The following NMT2 variants were observed in gnomAD, a reference collection of about 807,000 sequenced individuals.
The protein encoded by NMT2 is glycylpeptide N-tetradecanoyltransferase 2.
Under a neutral mutation model 65.4 loss-of-function variants are expected in NMT2, and 35 were observed. The observed-to-expected ratio is 0.54, with a 90% CI of 0.41 to 0.71. The LOEUF (loss-of-function observed/expected upper bound fraction) is 0.71. Ranked by LOEUF, NMT2 falls within the 30% of genes least tolerant of loss-of-function variation. The probability of loss-of-function intolerance (pLI) is 0.00; values close to 1 mark genes in which losing one functional copy is unlikely to be tolerated. For synonymous variants in NMT2, 226 were observed against 231.8 expected (o/e 0.98, Z 0.23); for missense variants, 489 against 611.3 (o/e 0.80, Z 2.11).
In NMT2 at chr10:15,109,770, C is replaced by T. The variant is rs1243566347; in HGVS notation, c.1408G>A (p.Gly470Ser). The change falls in exon 11 of 12, where the codon GGT becomes AGT. Residue 470 changes from glycine to serine, a missense_variant. By Grantham distance (56) the Gly-to-Ser change is moderately conservative. Coordinates refer to ENST00000378165, the MANE Select transcript of NMT2 (RefSeq NM_004808.3). ...TACTGCAAATTGCCATCTCCTATAC[C>T]AAACTTGAGTTTTTCCAAGAATGTC... ...NKTFLEKLKFGIGDGNLQYYL... is the reference protein window; with the variant it reads ...NKTFLEKLKFSIGDGNLQYYL... 1 of 1,613,686 alleles carries T rather than the reference C, an allele frequency of 6.2e-7. No individual in the cohort carries two copies. The highest frequency in any genetic ancestry group is 8.5e-7 in the Non-Finnish European group (1 of 1,179,796).
chr10:15,108,396 A>G lies in NMT2; in HGVS notation c.*799T>C, dbSNP rs1845387077. 3.4e-6 allele frequency: 2 copies of G among 591,528 alleles called. No individual in the cohort carries two copies. 36.6% of individuals were successfully genotyped at this position (591,528 alleles called of 1,614,324 possible). A position where few individuals can be genotyped will look rare whatever the true frequency, so the allele number is the denominator to read the frequency against. ...GAGATGGGGTTTCACTATGTTGGCC[A>G]GAATGGTCTCGATCTCCTGACCTCA... On this transcript the variant is annotated 3_prime_UTR_variant, in exon 12 of 12. Transcript: ENST00000378165.
At chr10:15,168,466 C>T (rs762678992) in intron 1 of NMT2, 37 bp downstream of exon 1, 41 of 1,510,920 alleles carry the variant, frequency 2.7e-5, no homozygotes, top group Non-Finnish European at 2.7e-5. Flanking sequence ...GCGGTCCCCG[C>T]CCTGTCGCGC....
intron 7 of NMT2, among the ~76,000 whole-genome samples, chr10:15,129,895 A>G: frequency 6.7e-6 from 1 of 148,292 alleles, no homozygotes; most frequent in East Asian, 2.0e-4. Context: ...GCAACAGAGT[A>G]AGAGTCTGCC....
intron 10 of NMT2, among the ~76,000 whole-genome samples, chr10:15,111,094 G>A (rs896895646): frequency 2.0e-5 from 3 of 151,882 alleles, no homozygotes; most frequent in Non-Finnish European, 4.4e-5. Flanking sequence ...ACCCAGCCTC[G>A]TTCTTGTTTT....
At position 15,116,387 on chromosome 10, in the gene NMT2, G is replaced by C. The variant is rs145379974; in HGVS notation, c.1170+2956C>G. 1.4e-3 allele frequency among the ~76,000 whole-genome samples: 210 copies of C among 152,244 alleles called. 1 individual carries two copies. Among genetic ancestry groups the C allele is most frequent in the African/African-American group, 4.8e-3 (200 of 41,544 alleles). ...AAAATACATAGACGTGAATGACAAC[G>C]AAGATACAACATACCAAAATACGTC... On this transcript the variant is annotated intron_variant, in intron 9 of 11. Coordinates refer to ENST00000378165, the MANE Select transcript of NMT2 (RefSeq NM_004808.3).
intron 1 of NMT2, among the ~76,000 whole-genome samples, chr10:15,166,840 G>C (rs988749611): frequency 4.3e-4 from 66 of 152,292 alleles, no homozygotes; most frequent in African/African-American, 1.5e-3. Flanking sequence ...GACAGGCTCA[G>C]ATCAATGCGC....
chr10:15,117,438 A>G (rs1420469447), intron 9 of NMT2, among the ~76,000 whole-genome samples: 1 of 152,212 alleles, frequency 6.6e-6, no homozygotes, highest in Admixed American at 6.5e-5. Flanking sequence ...AGCTAACATC[A>G]TACTTCATGG....
rs1331141157 is a variant in NMT2 at position 15,119,382 on chromosome 10, G to A, written c.1131C>T (p.Phe377=). ...TGTCAATAATGTGCTCCCGGGGGAGGAACCAGTGGGCTACTTCCTCTTCAT... is the reference window on the plus strand; with the variant it reads ...TGTCAATAATGTGCTCCCGGGGGAGAAACCAGTGGGCTACTTCCTCTTCAT... ...VMDEEEVAHW[F]LPREHIIDTF... Residue 377 remains phenylalanine (F), a synonymous_variant, in exon 9 of 12, where the codon TTC becomes TTT. Coordinates refer to ENST00000378165, the MANE Select transcript of NMT2 (RefSeq NM_004808.3). 1 of 1,614,024 alleles carries A rather than the reference G, an allele frequency of 6.2e-7. No individual in the cohort carries two copies. The highest frequency in any genetic ancestry group is 1.3e-5 in the African/African-American group (1 of 74,904).
intron 1 of NMT2, among the ~76,000 whole-genome samples, chr10:15,144,457 T>C (rs190845550): frequency 7.4e-4 from 112 of 152,176 alleles, no homozygotes; most frequent in Middle Eastern, 3.4e-3. Context: ...CCAGGCCAGG[T>C]GCAGTGGCTC....
chr10:15,112,808 G>C lies in NMT2; in HGVS notation c.1326C>G (p.Ile442Met), dbSNP rs1845607677. The part of the protein sequence containing the change: ...PLLDLMSDAL[I>M]LAKSKGFDVF... ...AGGAGTGGCTTACCGATTTAGCCAG[G>C]ATGAGCGCGTCGCTCATGAGGTCCA... Residue 442 changes from isoleucine to methionine, a missense_variant, in exon 10 of 12, where the codon ATC becomes ATG. By Grantham distance (10) the Ile-to-Met change is conservative. Transcript: ENST00000378165. The C allele has an allele frequency of 6.2e-7, 1 of 1,612,382 alleles. No homozygotes were observed. Among genetic ancestry groups the C allele is most frequent in the Non-Finnish European group, 8.5e-7 (1 of 1,179,450 alleles).
chr10:15,106,660 G>A lies in NMT2; in HGVS notation c.*2535C>T. On this transcript the variant is annotated 3_prime_UTR_variant, in exon 12 of 12. Coordinates refer to ENST00000378165, the MANE Select transcript of NMT2 (RefSeq NM_004808.3). ...ATCACGGCAACCTATAGAAAGGAGA[G>A]TTCCAACTCCTTCGTAGTGACCAAG... The A allele has an allele frequency of 1.0e-6, 1 of 985,210 alleles. No homozygotes were observed. Among genetic ancestry groups the A allele is most frequent in the Non-Finnish European group, 1.2e-6 (1 of 829,768 alleles). The allele number at this position is 985,210 out of a possible 1,614,324, so 61.0% of individuals were successfully genotyped here. A position where few individuals can be genotyped will look rare whatever the true frequency, so the allele number is the denominator to read the frequency against.
rs1163229592 is a variant in NMT2, at chr10:15,141,525, T to C, written c.143A>G (p.Lys48Arg). Residue 48 changes from lysine to arginine, a missense_variant, in exon 2 of 12, where the codon AAA becomes AGA. Lys to Arg is a conservative substitution (Grantham distance 26). Transcript: ENST00000378165. ...CTTTTTTCTCTTCTGTTTCTTCTTT[T>C]TCTTTTTGGCTCCCAAATACCCTCC... is the stretch of plus-strand genomic sequence containing the variant. ...SPGGYLGAKK[K>R]KKKQKRKKEK... is the part of the protein sequence containing the mutation. 2 of 1,614,090 alleles carry C rather than the reference T, an allele frequency of 1.2e-6. No individual in the cohort carries two copies. The highest frequency in any genetic ancestry group is 4.5e-5 in the East Asian group (2 of 44,894).
At chr10:15,138,368 G>C in intron 2 of NMT2, 1 of 470,980 alleles carries the variant, frequency 2.1e-6, no homozygotes, top group Non-Finnish European at 4.4e-6. Flanking sequence ...AATCCACAGG[G>C]ACAAAGCAGT....
intron 1 of NMT2, among the ~76,000 whole-genome samples, chr10:15,164,996 T>G (rs961982370): frequency 2.0e-5 from 3 of 152,102 alleles, no homozygotes; most frequent in Admixed American, 1.3e-4. Flanking sequence ...AAATCCTGTC[T>G]CTATTAAAAA....
At chr10:15,126,513 C>A (rs1449446225) in intron 8 of NMT2, among the ~76,000 whole-genome samples, 1 of 152,064 alleles carries the variant, frequency 6.6e-6, no homozygotes, top group African/African-American at 2.4e-5. Context: ...TTCCATCTTG[C>A]CAGCAGATCC....
At chr10:15,164,535 T>A (rs1375429821) in intron 1 of NMT2, among the ~76,000 whole-genome samples, 1 of 152,194 alleles carries the variant, frequency 6.6e-6, no homozygotes, top group African/African-American at 2.4e-5. Flanking sequence ...CAATACCAAA[T>A]GTATTTCATA....
chr10:15,115,958 G>A (rs768336287), intron 9 of NMT2, among the ~76,000 whole-genome samples: 4 of 152,170 alleles, frequency 2.6e-5, no homozygotes, highest in South Asian at 2.1e-4. Flanking sequence ...GTGTTGGAAG[G>A]AGAAATAGAC....
chr10:15,155,735 A>G (rs2131616543), intron 1 of NMT2, among the ~76,000 whole-genome samples: 1 of 151,874 alleles, frequency 6.6e-6, no homozygotes, highest in African/African-American at 2.4e-5. Context: ...CTTATTGAGA[A>G]CTTTCACCTT....
intron 1 of NMT2, among the ~76,000 whole-genome samples, chr10:15,143,236 T>G (rs1409292997): frequency 6.6e-6 from 1 of 152,214 alleles, no homozygotes; most frequent in Non-Finnish European, 1.5e-5. Flanking sequence ...ACATTTACTA[T>G]GTGTTCAGCA....
Sources: gnomAD v4.1 joint callset for allele counts (sites outside exome capture counted in the v4.1 genomes callset) on GRCh38, gnomAD v4.1.1 for gene constraint, MANE v1.5 for transcripts, NCBI Gene and HGNC (gene_info 2026-07-23, HGNC 2026-07-21) for gene names.